Variants in PHLPP1 observed in about 807,000 individuals in gnomAD.
PHLPP1 encodes PH domain and leucine rich repeat protein phosphatase 1.
PHLPP1 carries 42 observed loss-of-function variants against 117.2 expected under a neutral mutation model. The observed-to-expected ratio is 0.36, with a 90% CI of 0.28 to 0.46. The LOEUF (loss-of-function observed/expected upper bound fraction) is 0.46. Ranked by LOEUF, PHLPP1 falls within the 20% of genes least tolerant of loss-of-function variation. PHLPP1 has a pLI of 1.00. For synonymous variants in PHLPP1, 1,042 were observed against 970.7 expected, an observed-to-expected ratio of 1.07 and a Z score of -1.37; for missense variants, 2,084 against 2,241.9, an observed-to-expected ratio of 0.93 and a Z score of 1.42.
chr18:62,922,329 G>T (rs1909498309), intron 10 of PHLPP1, among the ~76,000 whole-genome samples: 1 of 152,140 alleles, frequency 6.6e-6, no homozygotes, highest in Non-Finnish European at 1.5e-5. Flanking sequence ...TAGAGATGGG[G>T]TTTCCCCATG....
At chr18:62,963,324 T>G in intron 13 of PHLPP1, 44 bp from the exon 14 acceptor site, 1 of 1,338,888 alleles carries the variant, frequency 7.5e-7, no homozygotes. Flanking sequence ...TTTGCACACA[T>G]TTGGTTTTAA....
rs939111674 is a variant in PHLPP1, at chr18:62,850,217, G to A, written c.1900-10218G>A. On this transcript the variant is annotated intron_variant, in intron 3 of 16. Transcript: ENST00000262719. ...AGCCTGGCCAACATGGTGAAACCCTGTCTCTACTAAAAATACAAAAATTAG... is the reference window on the plus strand; with the variant it reads ...AGCCTGGCCAACATGGTGAAACCCTATCTCTACTAAAAATACAAAAATTAG... Among the ~76,000 whole-genome samples the A allele has an allele frequency of 1.2e-4, 18 of 151,726 alleles. No individual in the cohort carries two copies. In the East Asian group the frequency reaches 2.9e-3, roughly 25 times the overall value.
intron 10 of PHLPP1, among the ~76,000 whole-genome samples, chr18:62,929,932 G>A (rs1909757513): frequency 6.6e-6 from 1 of 152,134 alleles, no homozygotes; most frequent in African/African-American, 2.4e-5. Flanking sequence ...ACTCTAGCCT[G>A]AGTGACAGAC....
rs1349763126 is a variant in PHLPP1 at position 62,723,175 on chromosome 18, T to C, written c.1576+5916T>C. On this transcript the variant is annotated intron_variant, in intron 1 of 16. Coordinates refer to ENST00000262719, the MANE Select transcript of PHLPP1 (RefSeq NM_194449.4). ...GGCCTCTGAGTTTGTGACCTAGAAG[T>C]TAATAATGAAAACTCCATAAAATAC... Among the ~76,000 whole-genome samples the C allele has an allele frequency of 2.0e-5, 3 of 152,226 alleles. No individual in the cohort carries two copies. The East Asian group carries it at 5.8e-4, about 29-fold the overall frequency.
At chr18:62,896,283 TTTG>T (rs1916561653) in intron 6 of PHLPP1, among the ~76,000 whole-genome samples, 1 of 142,396 alleles carries the variant, frequency 7.0e-6, no homozygotes, top group African/African-American at 2.6e-5. Flanking sequence ...TTTTGTTTTT[TTTG>T]TTGTTCTTGT....
In PHLPP1 at chr18:62,833,266, G is replaced by T. The variant is rs1009709883; in HGVS notation, c.1773+3035G>T. ...TTTTTGTACTTTTAGTAGAGACAGGGTTTCACCGTGTTGGCCAGGCTGGTC... is the reference window on the plus strand; with the variant it reads ...TTTTTGTACTTTTAGTAGAGACAGGTTTTCACCGTGTTGGCCAGGCTGGTC... On this transcript the variant is annotated intron_variant, in intron 2 of 16. Coordinates refer to ENST00000262719, the MANE Select transcript of PHLPP1 (RefSeq NM_194449.4). Among the ~76,000 whole-genome samples, 7 of 152,212 alleles carry T rather than the reference G, an allele frequency of 4.6e-5. 1 individual carries two copies. The South Asian group carries it at 1.2e-3, about 27-fold the overall frequency.
rs367574842 is a variant in PHLPP1 at position 62,861,395 on chromosome 18, C to T, written c.2066+794C>T. 1.5e-3 allele frequency among the ~76,000 whole-genome samples: 222 copies of T among 152,304 alleles called. 8 individuals carry two copies. The South Asian group carries it at 0.043, about 30-fold the overall frequency. ...CTGTGATTATAGGCGTGAGACACCA[C>T]GCCTGGCCTAGAATCTGCTCATTTA... On this transcript the variant is annotated intron_variant, in intron 4 of 16. Transcript: ENST00000262719.
chr18:62,950,539 C>T (rs1910421223), intron 12 of PHLPP1, among the ~76,000 whole-genome samples: 1 of 152,058 alleles, frequency 6.6e-6, no homozygotes, highest in Non-Finnish European at 1.5e-5. Context: ...ACACAAAGAA[C>T]ATGGGGAAAT....
chr18:62,821,625 A>C (rs1914461508), intron 1 of PHLPP1, among the ~76,000 whole-genome samples: 1 of 151,720 alleles, frequency 6.6e-6, no homozygotes, highest in South Asian at 2.1e-4. Flanking sequence ...AAGAAGCTTA[A>C]TAAAATTGGT....
chr18:62,854,897 A>G lies in PHLPP1; in HGVS notation c.1900-5538A>G, dbSNP rs536773403. 3.3e-5 allele frequency among the ~76,000 whole-genome samples: 5 copies of G among 152,138 alleles called. No individual in the cohort carries two copies. The East Asian group carries it at 9.7e-4, about 29-fold the overall frequency. On this transcript the variant is annotated intron_variant, in intron 3 of 16. Transcript: ENST00000262719. ...TTTTTAGTAGAGAAGGGGTTTCACC[A>G]TGTTGGCCAGGCTGGTCTCAAACTC... is the stretch of plus-strand genomic sequence containing the variant.
intron 14 of PHLPP1, among the ~76,000 whole-genome samples, chr18:62,967,489 C>T (rs2144486048): frequency 6.6e-6 from 1 of 152,114 alleles, no homozygotes; most frequent in South Asian, 2.1e-4. Context: ...CCTACTCTTT[C>T]CATATGTTTA....
intron 14 of PHLPP1, among the ~76,000 whole-genome samples, chr18:62,967,493 A>G (rs1223051413): frequency 6.6e-6 from 1 of 151,772 alleles, no homozygotes; most frequent in African/African-American, 2.4e-5. Flanking sequence ...CTCTTTCCAT[A>G]TGTTTATTTA....
chr18:62,867,629 TC>T (rs1305794934), intron 4 of PHLPP1, among the ~76,000 whole-genome samples: 2 of 152,212 alleles, frequency 1.3e-5, no homozygotes, highest in African/African-American at 4.8e-5. Flanking sequence ...GAGACTTTTT[TC>T]TTCCTGGAGC....
At chr18:62,854,519 G>C (rs1568138810) in intron 3 of PHLPP1, among the ~76,000 whole-genome samples, 1 of 152,122 alleles carries the variant, frequency 6.6e-6, no homozygotes, top group Admixed American at 6.6e-5. Flanking sequence ...TGACCACCTT[G>C]TCTTCATTTC....
chr18:62,902,826 A>G, intron 6 of PHLPP1, 138 bp from the exon 7 acceptor site: 1 of 615,278 alleles, frequency 1.6e-6, no homozygotes, highest in South Asian at 2.0e-5. Context: ...GAAAGGCCGG[A>G]TGCTGAGATT....
chr18:62,781,695 T>C (rs1409982597), intron 1 of PHLPP1, among the ~76,000 whole-genome samples: 4 of 152,192 alleles, frequency 2.6e-5, no homozygotes, highest in African/African-American at 4.8e-5. Context: ...ATGTTAAATA[T>C]GTGTGATTTT....
intron 10 of PHLPP1, among the ~76,000 whole-genome samples, chr18:62,931,843 C>T (rs565541376): frequency 5.7e-5 from 8 of 139,538 alleles, no homozygotes; most frequent in Admixed American, 2.3e-4. Flanking sequence ...TACAGTGAGC[C>T]GAGATGGCGC....
At chr18:62,898,528 G>C (rs1288632762) in intron 6 of PHLPP1, among the ~76,000 whole-genome samples, 2 of 152,110 alleles carry the variant, frequency 1.3e-5, no homozygotes, top group African/African-American at 2.4e-5. Context: ...TCTAGTTCAA[G>C]GTACTCAAGC....
At chr18:62,784,487 A>G (rs369668663) in intron 1 of PHLPP1, among the ~76,000 whole-genome samples, 12 of 152,330 alleles carry the variant, frequency 7.9e-5, no homozygotes, top group East Asian at 5.8e-4. Context: ...TGTCATCTTC[A>G]GAAGGAAGAG....
Sources: gnomAD v4.1 joint callset for allele counts (sites outside exome capture counted in the v4.1 genomes callset) on GRCh38, gnomAD v4.1.1 for gene constraint, MANE v1.5 for transcripts, NCBI Gene and HGNC (gene_info 2026-07-23, HGNC 2026-07-21) for gene names.